TFDP1: variants seen among roughly 807,000 people sequenced by gnomAD.
The protein encoded by TFDP1 is DRTF1-polypeptide 1.
Under a neutral mutation model 48.0 loss-of-function variants are expected in TFDP1, and 6 were observed. That is an observed-to-expected ratio of 0.13 (90% CI 0.07 to 0.25). TFDP1 has a LOEUF of 0.25. Ranked by LOEUF, TFDP1 falls within the 10% of genes least tolerant of loss-of-function variation. TFDP1 has a pLI of 1.00. For synonymous variants in TFDP1, 201 were observed against 211.6 expected (o/e 0.95, Z 0.44); for missense variants, 335 against 543.0 (o/e 0.62, Z 3.81).
At chr13:113,619,611 C>T (rs559380072) in intron 3 of TFDP1, among the ~76,000 whole-genome samples, 69 of 152,172 alleles carry the variant, frequency 4.5e-4, no homozygotes, top group Middle Eastern at 6.8e-3. Context: ...CCTTGCTGCT[C>T]GCTGTGGTCG....
At chr13:113,599,723 C>T (rs4150710) in intron 2 of TFDP1, among the ~76,000 whole-genome samples, 71,707 of 152,130 alleles carry the variant, frequency 0.47, 18,822 homozygotes, top group African/African-American at 0.71. Flanking sequence ...TGGAAGCTGG[C>T]TCTGCCCTGA....
At chr13:113,632,475 A>G (rs1213423893) in intron 5 of TFDP1, among the ~76,000 whole-genome samples, 1 of 152,244 alleles carries the variant, frequency 6.6e-6, no homozygotes, top group Non-Finnish European at 1.5e-5. Flanking sequence ...AACGTCCCAT[A>G]GTTCCTGATT....
chr13:113,585,202 G>A (rs1432185561), intron 1 of TFDP1: 1 of 148,640 alleles, frequency 6.7e-6, no homozygotes, highest in African/African-American at 2.4e-5. Flanking sequence ...GGAGCGCGCA[G>A]GGCGGGGGAG....
At chr13:113,618,973 AG>A (rs1415534515) in intron 3 of TFDP1, among the ~76,000 whole-genome samples, 2 of 152,218 alleles carry the variant, frequency 1.3e-5, no homozygotes, top group Admixed American at 6.5e-5. Context: ...TGAAAAATAA[AG>A]TGAGTACGTC....
At chr13:113,590,162 C>T (rs1766188980) in intron 2 of TFDP1, among the ~76,000 whole-genome samples, 1 of 152,222 alleles carries the variant, frequency 6.6e-6, no homozygotes, top group South Asian at 2.1e-4. Flanking sequence ...GCTCCCTGTG[C>T]AGAGAACGTG....
At chr13:113,620,787 A>G (rs1376554524) in intron 3 of TFDP1, among the ~76,000 whole-genome samples, 2 of 152,202 alleles carry the variant, frequency 1.3e-5, no homozygotes, top group African/African-American at 4.8e-5. Flanking sequence ...GCACACCTTT[A>G]TTTTTGGAAG....
intron 3 of TFDP1, among the ~76,000 whole-genome samples, chr13:113,613,080 C>T (rs1050219101): frequency 2.0e-5 from 3 of 152,144 alleles, no homozygotes; most frequent in African/African-American, 7.2e-5. Flanking sequence ...GCAGTGGCGC[C>T]GTCTCGGCTC....
chr13:113,629,681 G>T (rs1387450192), intron 4 of TFDP1, among the ~76,000 whole-genome samples: 2 of 152,212 alleles, frequency 1.3e-5, no homozygotes, highest in East Asian at 3.9e-4. Flanking sequence ...GGTAGGAGAG[G>T]TGGATGACGT....
At chr13:113,624,781 AGGGTAT>A (rs2140496605) in intron 4 of TFDP1, among the ~76,000 whole-genome samples, 1 of 141,812 alleles carries the variant, frequency 7.1e-6, no homozygotes, top group African/African-American at 2.7e-5. Context: ...GGTGTCTCTC[AGGGTAT>A]CTCTCACATG....
At chr13:113,600,760 C>T (rs1215714194) in intron 2 of TFDP1, among the ~76,000 whole-genome samples, 1 of 145,224 alleles carries the variant, frequency 6.9e-6, no homozygotes, top group African/African-American at 2.6e-5. Flanking sequence ...GCTCCAGGAC[C>T]GCGATAGAGA....
chr13:113,608,671 T>A (rs769724009), intron 2 of TFDP1, among the ~76,000 whole-genome samples: 3 of 152,222 alleles, frequency 2.0e-5, no homozygotes, highest in Non-Finnish European at 4.4e-5. Flanking sequence ...ACCTGGCTGT[T>A]CTCTCCTGGC....
rs551139200 is a variant in TFDP1 at position 113,585,768 on chromosome 13, T to A, written c.-64-6T>A. On this transcript the variant is annotated splice_polypyrimidine_tract_variant and splice_region_variant and intron_variant, in intron 1 of 11. Transcript: ENST00000375370. Reference sequence around the variant, plus strand: ...TTTTCCTTACTTTTTTTTTTTTTTTTACCAGAAAAATCATTTTTCTTCTCT... The same window carrying A: ...TTTTCCTTACTTTTTTTTTTTTTTTAACCAGAAAAATCATTTTTCTTCTCT... 321 of 1,320,256 alleles carry A rather than the reference T, an allele frequency of 2.4e-4. 3 individuals are homozygous for A. The Admixed American group carries it at 3.2e-3, about 13-fold the overall frequency. 81.8% of individuals were successfully genotyped at this position (1,320,256 alleles called of 1,614,324 possible).
At chr13:113,624,703 C>CA (rs1454096001) in intron 4 of TFDP1, among the ~76,000 whole-genome samples, 1 of 146,330 alleles carries the variant, frequency 6.8e-6, no homozygotes, top group Non-Finnish European at 1.5e-5. Flanking sequence ...AGGTGTCTCT[C>CA]AGGGTATCTC....
rs746548234 is a variant in TFDP1 at position 113,623,122 on chromosome 13, T to G, written c.80-58T>G. On this transcript the variant is annotated intron_variant, in intron 3 of 11. Coordinates refer to ENST00000375370, the MANE Select transcript of TFDP1 (RefSeq NM_007111.5). This position sits in a 1 kb window ranked among gnomAD's most constrained non-coding sequence, Gnocchi z 5.2. ...ACCGTCTTGCATTTAGAATGGTCGC[T>G]TGTAGCCTTAACTTAGAAAAGGAGT... 114 of 1,482,894 alleles carry G rather than the reference T, an allele frequency of 7.7e-5. No individual in the cohort carries two copies. Among genetic ancestry groups the G allele is most frequent in the Non-Finnish European group, 1.0e-4 (112 of 1,078,498 alleles). 91.9% of individuals were successfully genotyped at this position (1,482,894 alleles called of 1,614,324 possible).
chr13:113,613,948 G>A (rs1341718928), intron 3 of TFDP1, among the ~76,000 whole-genome samples: 2 of 150,638 alleles, frequency 1.3e-5, no homozygotes, highest in African/African-American at 2.4e-5. Context: ...GTGTGTGCAT[G>A]TGAATTGTGA....
intron 4 of TFDP1, among the ~76,000 whole-genome samples, chr13:113,624,157 G>A (rs2049062309): frequency 6.6e-6 from 1 of 152,146 alleles, no homozygotes; most frequent in Non-Finnish European, 1.5e-5. Context: ...CCTGGGCTTT[G>A]GTGATGCAGC....
chr13:113,636,837 G>A, intron 10 of TFDP1, 137 bp downstream of exon 10: 3 of 1,061,584 alleles, frequency 2.8e-6, no homozygotes, highest in Non-Finnish European at 4.0e-6. Flanking sequence ...CAAAGACAAA[G>A]GGGCTGTGAG....
At chr13:113,589,514 G>A (rs986821827) in intron 2 of TFDP1, among the ~76,000 whole-genome samples, 3 of 152,192 alleles carry the variant, frequency 2.0e-5, no homozygotes, top group Non-Finnish European at 2.9e-5. Context: ...AGACACCCTG[G>A]GAGGTCCGTA....
At chr13:113,606,952 T>A (rs552801881) in intron 2 of TFDP1, among the ~76,000 whole-genome samples, 7 of 152,152 alleles carry the variant, frequency 4.6e-5, no homozygotes, top group Non-Finnish European at 8.8e-5. Flanking sequence ...GAAATTAAGG[T>A]TGAGACTGTA....
Sources: allele counts gnomAD v4.1 joint callset (sites outside exome capture counted in the v4.1 genomes callset), GRCh38; gene constraint gnomAD v4.1.1; non-coding constraint Gnocchi (gnomAD v3.1); transcripts MANE v1.5; gene names NCBI Gene and HGNC (gene_info 2026-07-23, HGNC 2026-07-21).